Variants in CELF2 observed in about 807,000 individuals in gnomAD.
The protein encoded by CELF2 is CUG triplet repeat RNA-binding protein 2.
Under a neutral mutation model 62.6 loss-of-function variants are expected in CELF2, and 8 were observed. That is an observed-to-expected ratio of 0.13 (90% CI 0.07 to 0.23). The LOEUF (loss-of-function observed/expected upper bound fraction) is 0.23, where lower values mean the gene tolerates loss of function less well. Among genes scored for constraint, CELF2 ranks in the 10% least tolerant of loss-of-function variants. The pLI, the probability that CELF2 is intolerant of heterozygous loss-of-function variation, is 1.00. For missense variants in CELF2, 333 were observed against 671.0 expected, an observed-to-expected ratio of 0.50 and a Z score of 5.56; for synonymous variants, 258 against 250.0, an observed-to-expected ratio of 1.03 and a Z score of -0.30.
chr10:10,911,319 A>G (rs980608371), intron 1 of CELF2, among the ~76,000 whole-genome samples: 5 of 152,226 alleles, frequency 3.3e-5, no homozygotes, highest in Non-Finnish European at 5.9e-5. Flanking sequence ...GGACAAAGGC[A>G]CACACTTGTG....
At chr10:10,526,768 C>T in the CELF2 span, among the ~76,000 whole-genome samples, 3 of 152,210 alleles carry the variant, frequency 2.0e-5, no homozygotes, top group Admixed American at 6.5e-5. Context: ...ATAGAGAAGA[C>T]AGCATTGATT....
At chr10:10,485,927 T>C in the CELF2 span, among the ~76,000 whole-genome samples, 1 of 152,192 alleles carries the variant, frequency 6.6e-6, no homozygotes, top group Non-Finnish European at 1.5e-5. Flanking sequence ...CACCCCTGTA[T>C]TCATCAAAGT....
chr10:10,724,880 A>G, the CELF2 span, among the ~76,000 whole-genome samples: 1 of 152,166 alleles, frequency 6.6e-6, no homozygotes. Flanking sequence ...ATCTGTTGGG[A>G]TATTTACAAG....
rs575484484 is a variant in CELF2, at chr10:11,231,440, G to A, written c.354+13933G>A. ...CTTGTGGAACAGGAAGCAGAGTGGGGCAAGACAAGAGAGAGCATATACCCA... is the reference window on the plus strand; with the variant it reads ...CTTGTGGAACAGGAAGCAGAGTGGGACAAGACAAGAGAGAGCATATACCCA... On this transcript the variant is annotated intron_variant, in intron 3 of 12. Coordinates refer to ENST00000633077, the MANE Select transcript of CELF2 (RefSeq NM_001326342.2). Among the ~76,000 whole-genome samples the A allele has an allele frequency of 1.1e-4, 16 of 152,268 alleles. No individual in the cohort carries two copies. In the East Asian group the frequency reaches 3.1e-3, roughly 29 times the overall value.
At chr10:10,590,109 T>C in the CELF2 span, among the ~76,000 whole-genome samples, 1 of 152,176 alleles carries the variant, frequency 6.6e-6, no homozygotes, top group Non-Finnish European at 1.5e-5. Flanking sequence ...TATAGAAACA[T>C]GTGCTGCCCT....
chr10:11,049,919 C>T (rs1418046968), intron 1 of CELF2, among the ~76,000 whole-genome samples: 3 of 152,200 alleles, frequency 2.0e-5, no homozygotes, highest in South Asian at 2.1e-4. Context: ...TCGGGGACCC[C>T]GTTGCCCGTG....
rs2052395420 is a variant in CELF2 at position 10,983,557 on chromosome 10, T to G, written c.89+63558T>G. On this transcript the variant is annotated intron_variant, in intron 2 of 13. Transcript: ENST00000636488. This position sits in a 1 kb window ranked among gnomAD's most constrained non-coding sequence, Gnocchi z 5.2. The stretch of plus-strand genomic sequence containing the variant: ...TGCTACCGAAGATACATCCGTAGTT[T>G]TTGTTTTTGGTTTTTGGTTTATTTT... 6.6e-6 allele frequency among the ~76,000 whole-genome samples: 1 copy of G among 152,124 alleles called. No individual in the cohort carries two copies. The highest frequency in any genetic ancestry group is 2.4e-5 in the African/African-American group (1 of 41,430).
chr10:11,168,433 A>C (rs975107543), intron 2 of CELF2, among the ~76,000 whole-genome samples: 2 of 152,218 alleles, frequency 1.3e-5, no homozygotes, highest in Admixed American at 1.3e-4. Flanking sequence ...CCGCTTACCT[A>C]GAGAGAGCAA....
At chr10:10,598,543 C>T in the CELF2 span, among the ~76,000 whole-genome samples, 28 of 152,234 alleles carry the variant, frequency 1.8e-4, no homozygotes, top group Admixed American at 5.2e-4. Context: ...TTAAGAGCCA[C>T]CTGGCTGCGG....
chr10:10,791,766 A>G, the CELF2 span, among the ~76,000 whole-genome samples: 1 of 152,190 alleles, frequency 6.6e-6, no homozygotes, highest in African/African-American at 2.4e-5. Context: ...TGTTTATTAC[A>G]GTTTATGACA....
At chr10:11,015,273 G>T (rs1289175413), upstream of CELF2, among the ~76,000 whole-genome samples, 1 of 152,044 alleles carries the variant, frequency 6.6e-6, no homozygotes, top group Non-Finnish European at 1.5e-5. The surrounding 1 kb of genome is among the most constrained non-coding windows in gnomAD (Gnocchi z 4.8). Flanking sequence ...TATTTGGTTG[G>T]GTGTTCTTGT....
rs150266294 is a variant in CELF2 at position 10,823,665 on chromosome 10, A to G, written c.53+24848A>G. On this transcript the variant is annotated intron_variant, in intron 1 of 13. Transcript: ENST00000636488. The stretch of plus-strand genomic sequence containing the variant: ...TATTCATTTAAAAATACTAACCTAA[A>G]TGCGGCAGAGATAATCGTATTAATA... Among the ~76,000 whole-genome samples, 5 of 152,316 alleles carry G rather than the reference A, an allele frequency of 3.3e-5. No individual in the cohort carries two copies. The East Asian group carries it at 5.8e-4, about 18-fold the overall frequency.
chr10:11,172,666 T>G (rs1392296032), intron 2 of CELF2, among the ~76,000 whole-genome samples: 1 of 152,152 alleles, frequency 6.6e-6, no homozygotes, highest in East Asian at 1.9e-4. Flanking sequence ...GTTTTGATCC[T>G]TATATCTCTG....
Position 10,866,607 on chromosome 10 carries a change from C to CAAA in CELF2, c.54-53334_54-53332dup, listed in dbSNP as rs55875778. Among the ~76,000 whole-genome samples the CAAA allele has an allele frequency of 5.9e-4, 31 of 52,494 alleles. 1 individual carries two copies. Among genetic ancestry groups the CAAA allele is most frequent in the East Asian group, 1.6e-3 (2 of 1,248 alleles). 34.4% of individuals were successfully genotyped at this position (52,494 alleles called of 152,430 possible). ...GTGACAGAGCAAGACTCCATCCTCTCAAAAAAAAAAAAAAAAAAAAAAAAA... is the reference window on the plus strand; with the variant it reads ...GTGACAGAGCAAGACTCCATCCTCTCAAAAAAAAAAAAAAAAAAAAAAAAAAAA... On this transcript the variant is annotated intron_variant, in intron 1 of 13. Coordinates refer to the CELF2 transcript ENST00000636488.
chr10:10,616,104 T>C, the CELF2 span, among the ~76,000 whole-genome samples: 1 of 152,044 alleles, frequency 6.6e-6, no homozygotes, highest in Non-Finnish European at 1.5e-5. Context: ...AGGTGACTGA[T>C]GTATTGGCTG....
chr10:11,172,689 G>A lies in CELF2; in HGVS notation c.271+7007G>A, dbSNP rs528137367. ...CCTTATATCTCTGGAGAGAAAAGGA[G>A]GAAGAAGGGGAAGGAGGGAGACAAA... On this transcript the variant is annotated intron_variant, in intron 2 of 12. Coordinates refer to ENST00000633077, the MANE Select transcript of CELF2 (RefSeq NM_001326342.2). 2.0e-5 allele frequency among the ~76,000 whole-genome samples: 3 copies of A among 152,264 alleles called. No homozygotes were observed. In the South Asian group the frequency reaches 6.2e-4, roughly 32 times the overall value.
intron 2 of CELF2, among the ~76,000 whole-genome samples, chr10:10,942,383 C>G (rs1239875760): frequency 6.6e-6 from 1 of 152,162 alleles, no homozygotes; most frequent in African/African-American, 2.4e-5. Context: ...GATCTGCTTG[C>G]AAGCTCATTT....
chr10:10,941,053 G>A (rs957354449), intron 2 of CELF2, among the ~76,000 whole-genome samples: 5 of 152,018 alleles, frequency 3.3e-5, no homozygotes, highest in Admixed American at 6.6e-5. Flanking sequence ...TTGTTCTAGC[G>A]AAACAACACC....
At chr10:11,288,070 C>A (rs1168783267) in intron 8 of CELF2, among the ~76,000 whole-genome samples, 1 of 152,284 alleles carries the variant, frequency 6.6e-6, no homozygotes, top group Admixed American at 6.5e-5. Context: ...GCACTGAAAT[C>A]TCTCCTCTTT....
Sources: allele counts gnomAD v4.1 joint callset (sites outside exome capture counted in the v4.1 genomes callset), GRCh38; gene constraint gnomAD v4.1.1; non-coding constraint Gnocchi (gnomAD v3.1); transcripts MANE v1.5; gene names NCBI Gene and HGNC (gene_info 2026-07-23, HGNC 2026-07-21).